Variants in SEPTIN12 observed in about 807,000 individuals in gnomAD.
SEPTIN12 encodes septin 12, also known as septin-12.
Under a neutral mutation model 37.7 loss-of-function variants are expected in SEPTIN12, and 42 were observed. That is an observed-to-expected ratio of 1.11 (90% CI 0.87 to 1.44). The LOEUF is 1.44. Ranked by LOEUF, SEPTIN12 falls within the 40% of genes most tolerant of loss-of-function variation. The pLI, the probability that SEPTIN12 is intolerant of heterozygous loss-of-function variation, is 0.00. For synonymous variants in SEPTIN12, 254 were observed against 196.7 expected (o/e 1.29, Z -2.44); for missense variants, 613 against 479.2 (o/e 1.28, Z -2.61).
chr16:4,784,769 C>CTAAA (rs55943515), intron 4 of SEPTIN12, among the ~76,000 whole-genome samples: 10,087 of 136,240 alleles, frequency 0.074, 465 homozygotes, highest in Middle Eastern at 0.19. Context: ...GACACTGTCT[C>CTAAA]TAAATAAATA....
chr16:4,779,805 C>A lies in SEPTIN12; in HGVS notation c.727-19G>T, dbSNP rs1567558385. 1 of 1,551,464 alleles carries A rather than the reference C, an allele frequency of 6.4e-7. No homozygotes were observed. The highest frequency in any genetic ancestry group is 8.9e-7 in the Non-Finnish European group (1 of 1,122,958). On this transcript the variant is annotated intron_variant, in intron 7 of 9. Transcript: ENST00000268231. Reference sequence around the variant, plus strand: ...TTCGGTCCTGGGAAAGGAGAAGACACAGAGATGGGAGGATTGACTTCGCTG... The same window carrying A: ...TTCGGTCCTGGGAAAGGAGAAGACAAAGAGATGGGAGGATTGACTTCGCTG...
upstream of SEPTIN12, among the ~76,000 whole-genome samples, chr16:4,790,329 C>T (rs1179567601): frequency 1.3e-5 from 2 of 152,138 alleles, no homozygotes; most frequent in African/African-American, 2.4e-5. Flanking sequence ...AACAGATGGG[C>T]GTGGCTGTGT....
intron 8 of SEPTIN12, among the ~76,000 whole-genome samples, chr16:4,779,270 C>A (rs2082346929): frequency 6.6e-6 from 1 of 152,200 alleles, no homozygotes; most frequent in African/African-American, 2.4e-5. Flanking sequence ...CTGTGCCTCC[C>A]CGACCTGTCC....
chr16:4,786,883 A>G (rs566911773), intron 2 of SEPTIN12, among the ~76,000 whole-genome samples: 3 of 151,536 alleles, frequency 2.0e-5, no homozygotes, highest in African/African-American at 4.8e-5. Context: ...CCTGGCCTCC[A>G]GGGATCCTTC....
chr16:4,790,659 G>A (rs1250606748), upstream of SEPTIN12, among the ~76,000 whole-genome samples: 3 of 152,148 alleles, frequency 2.0e-5, no homozygotes, highest in African/African-American at 7.2e-5. Context: ...TTGGTGGCGG[G>A]CACCTGTAGT....
At chr16:4,785,388 G>A (rs1379674581) in intron 4 of SEPTIN12, among the ~76,000 whole-genome samples, 2 of 151,890 alleles carry the variant, frequency 1.3e-5, no homozygotes, top group South Asian at 2.1e-4. Flanking sequence ...CACACAGCCT[G>A]GCTGTTCCAG....
chr16:4,787,775 C>A, intron 1 of SEPTIN12, 108 bp from the exon 2 acceptor site: 1 of 610,640 alleles, frequency 1.6e-6, no homozygotes, highest in Non-Finnish European at 2.9e-6. Flanking sequence ...CCAACCCCCT[C>A]CACACTTCAT....
At chr16:4,788,709 T>G (rs538965628), upstream of SEPTIN12, 1 of 152,364 alleles carries the variant, frequency 6.6e-6, no homozygotes, top group South Asian at 2.1e-4. Context: ...GTCCTGACTC[T>G]GCACATGGCA....
rs2082381261 is a variant in SEPTIN12, at chr16:4,782,309, A to C, written c.726+1153T>G. Among the ~76,000 whole-genome samples the C allele has an allele frequency of 1.3e-5, 2 of 152,158 alleles. 1 individual carries two copies. The highest frequency in any genetic ancestry group is 4.1e-4 in the South Asian group (2 of 4,824). On this transcript the variant is annotated intron_variant, in intron 7 of 9. Coordinates refer to ENST00000268231, the MANE Select transcript of SEPTIN12 (RefSeq NM_144605.5). ...GCTTTTCATGGTTAAGGGATAGTCC[A>C]TGGTAGGGAATAGGCCGCACTGTGT...
At position 4,783,766 on chromosome 16, in the gene SEPTIN12, G is replaced by A. The variant is rs1051365853; in HGVS notation, c.513C>T (p.Cys171=). The change falls in exon 6 of 10, where the codon TGC becomes TGT. Residue 171 remains cysteine, a splice_region_variant and synonymous_variant. Transcript: ENST00000268231. ...CVYFVPPTGH[C]LRPLDIEFLQ... Reference sequence around the variant, plus strand: ...GGAACTCAATGTCCAGGGGCCGCAGGCTGCCGGAGGCAGGGCAGTGATGGG... The same window carrying A: ...GGAACTCAATGTCCAGGGGCCGCAGACTGCCGGAGGCAGGGCAGTGATGGG... The A allele has an allele frequency of 2.5e-6, 4 of 1,613,338 alleles. No individual in the cohort carries two copies. The highest frequency in any genetic ancestry group is 1.7e-5 in the Admixed American group (1 of 60,004).
upstream of SEPTIN12, among the ~76,000 whole-genome samples, chr16:4,789,114 G>A (rs904882420): frequency 2.0e-5 from 3 of 152,158 alleles, no homozygotes; most frequent in African/African-American, 7.2e-5. Context: ...CGCCTCCTGG[G>A]TTCAAGCAAT....
intron 7 of SEPTIN12, 127 bp downstream of exon 7, chr16:4,783,335 T>G: frequency 1.3e-6 from 1 of 767,120 alleles, no homozygotes. Flanking sequence ...TGTGGATGAG[T>G]AGAGAATCAT....
intron 8 of SEPTIN12, among the ~76,000 whole-genome samples, chr16:4,779,248 C>T (rs1047243584): frequency 6.6e-6 from 1 of 152,210 alleles, no homozygotes; most frequent in Admixed American, 6.6e-5. Context: ...CCTCCCGCCA[C>T]AATCGCCTTC....
Position 4,778,075 on chromosome 16 carries a change from C to G in SEPTIN12, c.875+11G>C. ...GCCAGCCCCCTAGCCCCAGGCTCCCCACACCCTCACCGGATAAGCAGGTCT... is the reference window on the plus strand; with the variant it reads ...GCCAGCCCCCTAGCCCCAGGCTCCCGACACCCTCACCGGATAAGCAGGTCT... On this transcript the variant is annotated intron_variant, in intron 9 of 9. Coordinates refer to ENST00000268231, the MANE Select transcript of SEPTIN12 (RefSeq NM_144605.5). The G allele has an allele frequency of 1.2e-6, 2 of 1,614,134 alleles. No homozygotes were observed. The highest frequency in any genetic ancestry group is 2.7e-5 in the African/African-American group (2 of 75,060).
chr16:4,780,334 C>T (rs188573080), intron 7 of SEPTIN12, among the ~76,000 whole-genome samples: 65 of 152,032 alleles, frequency 4.3e-4, no homozygotes, highest in Non-Finnish European at 8.7e-4. Flanking sequence ...GTGATCCTCC[C>T]GCCTCTGCCT....
chr16:4,784,057 A>T lies in SEPTIN12; in HGVS notation c.386T>A (p.Ile129Asn), dbSNP rs778947651. The T allele has an allele frequency of 2.5e-6, 4 of 1,613,914 alleles. 1 individual carries two copies. Among genetic ancestry groups the T allele is most frequent in the African/African-American group, 2.7e-5 (2 of 74,886 alleles). The change falls in exon 5 of 10, where the codon ATC (isoleucine) becomes AAC (asparagine). Residue 129 changes from isoleucine (I) to asparagine (N), a missense_variant. By Grantham distance (149) the Ile-to-Asn change is moderately radical (BLOSUM62 -3). Transcript: ENST00000268231. Reference protein sequence around the residue: ...QINNDNCWDPILGYINEQYEQ... With the variant: ...QINNDNCWDPNLGYINEQYEQ... Reference sequence around the variant, plus strand: ...GTATTGCTCGTTGATGTAGCCCAGGATGGGGTCCCAGCTGAGGCGGGAGGT... The same window carrying T: ...GTATTGCTCGTTGATGTAGCCCAGGTTGGGGTCCCAGCTGAGGCGGGAGGT...
At chr16:4,783,423 G>A (rs767039936) in intron 7 of SEPTIN12, 39 bp downstream of exon 7, 3 of 1,467,706 alleles carry the variant, frequency 2.0e-6, no homozygotes, top group Non-Finnish European at 2.9e-6. Context: ...GTGTGGGAAG[G>A]AAATCACCTC....
In SEPTIN12 at chr16:4,785,985, G is replaced by T. The variant is rs528678021; in HGVS notation, c.287C>A (p.Thr96Asn). 2 of 1,613,130 alleles carry T rather than the reference G, an allele frequency of 1.2e-6. No homozygotes were observed. Among genetic ancestry groups the T allele is most frequent in the Non-Finnish European group, 1.7e-6 (2 of 1,179,428 alleles). ...TPQTLQLHSL[T>N]HVIEEKGVKL... The stretch of plus-strand genomic sequence containing the variant: ...GTGGGCAGGGGCTCACTCACCATGG[G>T]TCAGTGAATGCAGCTGCAGCGTCTG... Residue 96 changes from threonine to asparagine, a missense_variant, in exon 3 of 10, where the codon ACC (threonine) becomes AAC (asparagine). Transcript: ENST00000268231.
chr16:4,777,953 A>T lies in SEPTIN12; in HGVS notation c.921T>A (p.Tyr307Ter). Residue 307 changes from tyrosine (Y) to a stop codon, truncating the protein, a stop_gained, in exon 10 of 10, where the codon TAT becomes TAA. Transcript: ENST00000268231. LOFTEE classifies it low-confidence loss of function (END_TRUNC). ...DLKDITHNIHYENYRVIRLNE... is the reference protein window; with the variant it reads ...DLKDITHNIH ...TGAGTCTGATGACGCGGTAGTTCTC[A>T]TAGTGGATGTTGTGGGTTATGTCCT... The T allele has an allele frequency of 6.2e-7, 1 of 1,610,508 alleles. No homozygotes were observed. The highest frequency in any genetic ancestry group is 1.1e-5 in the South Asian group (1 of 90,578).
Sources: allele counts gnomAD v4.1 joint callset (sites outside exome capture counted in the v4.1 genomes callset), GRCh38; gene constraint gnomAD v4.1.1; transcripts MANE v1.5; gene names NCBI Gene and HGNC (gene_info 2026-07-23, HGNC 2026-07-21).